The following TMIGD3 variants were observed in gnomAD, a reference collection of about 807,000 sequenced individuals.
TMIGD3 encodes transmembrane and immunoglobulin domain containing 3, also known as AD026 protein (AD026).
TMIGD3 carries 21 observed loss-of-function variants against 28.1 expected under a neutral mutation model. That is an observed-to-expected ratio of 0.75 (90% CI 0.53 to 1.08). The LOEUF (loss-of-function observed/expected upper bound fraction) is 1.08, where lower values mean the gene tolerates loss of function less well. Among genes scored for constraint, TMIGD3 ranks in the 50% least tolerant of loss-of-function variants. The pLI, the probability that TMIGD3 is intolerant of heterozygous loss-of-function variation, is 0.00. For synonymous variants in TMIGD3, 151 were observed against 162.1 expected (o/e 0.93, Z 0.52); for missense variants, 416 against 435.6 (o/e 0.96, Z 0.40).
chr1:111,489,981 C>A (rs1335594804), intron 2 of TMIGD3, among the ~76,000 whole-genome samples: 1 of 152,168 alleles, frequency 6.6e-6, no homozygotes, highest in Non-Finnish European at 1.5e-5. Context: ...ATAGCAAAAA[C>A]CACTAAAATG....
intron 1 of TMIGD3, among the ~76,000 whole-genome samples, chr1:111,521,270 G>A (rs1656051509): frequency 6.6e-6 from 1 of 152,164 alleles, no homozygotes; most frequent in East Asian, 1.9e-4. Flanking sequence ...AGTCTTGTGA[G>A]GACATGTTTT....
intron 1 of TMIGD3, chr1:111,500,641 A>G (rs1655127691): frequency 8.0e-7 from 1 of 1,256,474 alleles, no homozygotes; most frequent in Non-Finnish European, 1.1e-6. Context: ...AGAGAGAGAG[A>G]GGTGAGATAA....
intron 1 of TMIGD3, among the ~76,000 whole-genome samples, chr1:111,540,198 T>A (rs1656772413): frequency 6.6e-6 from 1 of 152,272 alleles, no homozygotes; most frequent in South Asian, 2.1e-4. Context: ...TGTTTCTGGC[T>A]GGGGTAAACC....
chr1:111,526,418 G>A (rs1182144298), intron 1 of TMIGD3, among the ~76,000 whole-genome samples: 1 of 152,112 alleles, frequency 6.6e-6, no homozygotes, highest in African/African-American at 2.4e-5. Flanking sequence ...TCTCTCTCCT[G>A]CTGCCATGTG....
intron 1 of TMIGD3, among the ~76,000 whole-genome samples, chr1:111,537,482 CA>C (rs1327139247): frequency 6.6e-6 from 1 of 152,184 alleles, no homozygotes; most frequent in Non-Finnish European, 1.5e-5. Context: ...AAACAGCAAT[CA>C]TGACACAAAA....
intron 1 of TMIGD3, among the ~76,000 whole-genome samples, chr1:111,540,555 T>C (rs1206897523): frequency 6.6e-6 from 1 of 152,214 alleles, no homozygotes; most frequent in Admixed American, 6.5e-5. Flanking sequence ...TTCTGGTTGG[T>C]GGTTCTAGGA....
intron 1 of TMIGD3, among the ~76,000 whole-genome samples, chr1:111,516,623 G>T (rs1435718396): frequency 6.6e-6 from 1 of 152,182 alleles, no homozygotes; most frequent in Admixed American, 6.5e-5. Flanking sequence ...TGCTGGGTGA[G>T]TGGGGCCCAG....
intron 1 of TMIGD3, among the ~76,000 whole-genome samples, chr1:111,493,731 C>T (rs944466254): frequency 1.3e-5 from 2 of 152,156 alleles, no homozygotes; most frequent in African/African-American, 4.8e-5. Flanking sequence ...GGCTCAGAAG[C>T]TTAAGTCGCT....
chr1:111,512,698 C>T (rs923610597), intron 1 of TMIGD3, among the ~76,000 whole-genome samples: 2 of 152,182 alleles, frequency 1.3e-5, no homozygotes, highest in South Asian at 2.1e-4. Flanking sequence ...TGCTCCACTT[C>T]CACTTACAAG....
At chr1:111,521,395 T>G (rs1656056550) in intron 1 of TMIGD3, among the ~76,000 whole-genome samples, 1 of 152,168 alleles carries the variant, frequency 6.6e-6, no homozygotes, top group Non-Finnish European at 1.5e-5. Context: ...CCACCAGTAA[T>G]GAATGAGAGT....
At chr1:111,508,084 G>A (rs755335344), upstream of TMIGD3, among the ~76,000 whole-genome samples, 8 of 152,232 alleles carry the variant, frequency 5.3e-5, no homozygotes, top group Non-Finnish European at 1.0e-4. Context: ...TTGGTGGGAG[G>A]GAGGGTGAGG....
At chr1:111,540,763 T>C (rs1367210789) in intron 1 of TMIGD3, among the ~76,000 whole-genome samples, 1 of 152,206 alleles carries the variant, frequency 6.6e-6, no homozygotes, top group Non-Finnish European at 1.5e-5. Flanking sequence ...GAGAATTTGG[T>C]AGCAGACAAG....
intron 5 of TMIGD3, 168 bp downstream of exon 5, chr1:111,485,571 CT>C (rs1488146346): frequency 1.8e-6 from 1 of 558,822 alleles, no homozygotes; most frequent in Non-Finnish European, 3.2e-6. Flanking sequence ...CTCGTGATGC[CT>C]TGTCACCATC....
intron 1 of TMIGD3, among the ~76,000 whole-genome samples, chr1:111,497,408 C>G (rs1023346897): frequency 6.6e-6 from 1 of 152,216 alleles, no homozygotes; most frequent in Admixed American, 6.5e-5. Flanking sequence ...CTGCACCCGG[C>G]TCCTGTAACA....
At chr1:111,562,323 G>A (rs1404873558) in intron 1 of TMIGD3, among the ~76,000 whole-genome samples, 3 of 152,078 alleles carry the variant, frequency 2.0e-5, no homozygotes, top group African/African-American at 4.8e-5. Flanking sequence ...AACCATAATA[G>A]GAGGTCAAGA....
chr1:111,501,742 A>G (rs1016391479), intron 1 of TMIGD3, among the ~76,000 whole-genome samples: 3 of 152,100 alleles, frequency 2.0e-5, no homozygotes, highest in Non-Finnish European at 1.5e-5. Flanking sequence ...GATAAAGTTA[A>G]ACAACTTGTT....
intron 1 of TMIGD3, among the ~76,000 whole-genome samples, chr1:111,537,713 A>G (rs962697610): frequency 2.0e-5 from 3 of 152,264 alleles, no homozygotes; most frequent in African/African-American, 4.8e-5. Context: ...GATTCACTCC[A>G]TAATTGCTAA....
At chr1:111,520,946 A>G (rs1419712534) in intron 1 of TMIGD3, among the ~76,000 whole-genome samples, 1 of 152,254 alleles carries the variant, frequency 6.6e-6, no homozygotes, top group African/African-American at 2.4e-5. Flanking sequence ...CACCACAGTC[A>G]AGATAATAAA....
rs531160274 is a variant in TMIGD3, at chr1:111,542,616, T to C, written c.107+21230A>G. 1.9e-4 allele frequency: 30 copies of C among 153,890 alleles called. No homozygotes were observed. The East Asian group carries it at 5.6e-3, about 28-fold the overall frequency. The allele number at this position is 153,890 out of a possible 1,614,324, so 9.5% of individuals were successfully genotyped here. A position where few individuals can be genotyped will look rare whatever the true frequency, so the allele number is the denominator to read the frequency against. On this transcript the variant is annotated intron_variant, in intron 1 of 5. Coordinates refer to the TMIGD3 transcript ENST00000369717. ...CTGTAAAGGGAGCATTTCTCTTATG[T>C]GCAAACTAACCATAGTGGACATGTT...
Sources: allele counts gnomAD v4.1 joint callset (sites outside exome capture counted in the v4.1 genomes callset), GRCh38; gene constraint gnomAD v4.1.1; transcripts MANE v1.5; gene names NCBI Gene and HGNC (gene_info 2026-07-23, HGNC 2026-07-21).